Variants in UNC5D observed in about 807,000 individuals in gnomAD.
The protein encoded by UNC5D is unc-5 netrin receptor D.
In UNC5D, 39 loss-of-function variants were observed where a neutral mutation model predicts 105.4. The ratio of observed to expected loss-of-function variants is 0.37; its 90% confidence interval spans 0.29 to 0.48. The LOEUF (loss-of-function observed/expected upper bound fraction) is 0.48, where lower values mean the gene tolerates loss of function less well. UNC5D is among the 20% of genes least tolerant of loss of function. The pLI, the probability that UNC5D is intolerant of heterozygous loss-of-function variation, is 0.98. For synonymous variants in UNC5D, 452 were observed against 450.4 expected, an observed-to-expected ratio of 1.00 and a Z score of -0.04; for missense variants, 991 against 1,202.4, an observed-to-expected ratio of 0.82 and a Z score of 2.60.
At chr8:35,665,486 T>G (rs540228371) in intron 4 of UNC5D, among the ~76,000 whole-genome samples, 87 of 152,228 alleles carry the variant, frequency 5.7e-4, no homozygotes, top group African/African-American at 2.0e-3. Context: ...AGACCATGGG[T>G]TTTGGAAATC....
At chr8:35,586,198 C>T (rs576202414) in intron 3 of UNC5D, among the ~76,000 whole-genome samples, 9 of 152,208 alleles carry the variant, frequency 5.9e-5, no homozygotes, top group East Asian at 5.8e-4. Context: ...CACTTGAACC[C>T]GGGAAACAGC....
At chr8:35,658,182 G>A (rs543936686) in intron 4 of UNC5D, among the ~76,000 whole-genome samples, 3 of 152,100 alleles carry the variant, frequency 2.0e-5, no homozygotes, top group Non-Finnish European at 4.4e-5. Flanking sequence ...AGGTAAAAAT[G>A]TTACAAAATA....
intron 1 of UNC5D, among the ~76,000 whole-genome samples, chr8:35,518,280 T>G (rs1813237992): frequency 6.6e-6 from 1 of 152,158 alleles, no homozygotes; most frequent in Non-Finnish European, 1.5e-5. Flanking sequence ...TTCTTTTCCT[T>G]CCCCATTTTC....
chr8:35,292,694 C>CT (rs1807160667), intron 1 of UNC5D, among the ~76,000 whole-genome samples: 1 of 148,792 alleles, frequency 6.7e-6, no homozygotes, highest in African/African-American at 2.5e-5. Context: ...TTGCTATATG[C>CT]TGTAGTCCCT....
At chr8:35,645,282 A>C (rs1822979817) in intron 4 of UNC5D, among the ~76,000 whole-genome samples, 1 of 152,148 alleles carries the variant, frequency 6.6e-6, no homozygotes, top group Non-Finnish European at 1.5e-5. Flanking sequence ...TAATTTGGGC[A>C]TTATTTACTG....
At position 35,683,546 on chromosome 8, in the gene UNC5D, G is replaced by A; in HGVS notation, c.571-1G>A. The A allele has an allele frequency of 6.4e-7, 1 of 1,556,310 alleles. No individual in the cohort carries two copies. ...TTGTAAACATTCCTTTCTTCCTGTA[G>A]GTGGAATGGCTGAAAAATGAAGAGC... On this transcript the variant is annotated splice_acceptor_variant, in intron 4 of 16. Transcript: ENST00000404895. LOFTEE classifies it high-confidence loss of function.
intron 15 of UNC5D, among the ~76,000 whole-genome samples, chr8:35,768,199 T>A (rs2131716863): frequency 6.6e-6 from 1 of 152,260 alleles, no homozygotes; most frequent in East Asian, 1.9e-4. Flanking sequence ...GCATTGCTAA[T>A]TCCCCAAATA....
chr8:35,737,274 G>A (rs1225245922), intron 11 of UNC5D, among the ~76,000 whole-genome samples: 4 of 148,510 alleles, frequency 2.7e-5, no homozygotes, highest in Admixed American at 2.0e-4. Context: ...GTGTGTGTGT[G>A]TGTGTGTGTG....
intron 1 of UNC5D, among the ~76,000 whole-genome samples, chr8:35,442,558 C>T (rs1297661022): frequency 6.6e-6 from 1 of 151,864 alleles, no homozygotes; most frequent in Non-Finnish European, 1.5e-5. Context: ...AAACAAAGCT[C>T]AAGTCCCACC....
Position 35,324,107 on chromosome 8 carries a change from A to G in UNC5D, c.103+88220A>G, listed in dbSNP as rs147622422. ...TAGCCAGGCGTGGTGGCATCCACCT[A>G]TAAGTCCCAGTACGTACTATAGAGG... On this transcript the variant is annotated intron_variant, in intron 1 of 16. Transcript: ENST00000404895. 1.3e-4 allele frequency among the ~76,000 whole-genome samples: 19 copies of G among 151,964 alleles called. No homozygotes were observed. In the East Asian group the frequency reaches 3.1e-3, roughly 25 times the overall value.
intron 1 of UNC5D, among the ~76,000 whole-genome samples, chr8:35,354,755 G>A (rs538595570): frequency 6.6e-6 from 1 of 152,230 alleles, no homozygotes; most frequent in Admixed American, 6.5e-5. Flanking sequence ...ATGTAGGTCA[G>A]GATTTTCTGC....
chr8:35,664,985 C>T (rs1177422333), intron 4 of UNC5D, among the ~76,000 whole-genome samples: 1 of 152,056 alleles, frequency 6.6e-6, no homozygotes, highest in African/African-American at 2.4e-5. Context: ...AGATGTGCAC[C>T]ACCATGCCCA....
chr8:35,515,394 C>T (rs1275374490), intron 1 of UNC5D, among the ~76,000 whole-genome samples: 3 of 152,054 alleles, frequency 2.0e-5, no homozygotes, highest in Non-Finnish European at 4.4e-5. Flanking sequence ...CAACAAAATA[C>T]AGATTTAGGG....
intron 4 of UNC5D, among the ~76,000 whole-genome samples, chr8:35,634,954 C>T (rs13248828): frequency 0.17 from 26,192 of 151,780 alleles, 2,392 homozygotes; most frequent in East Asian, 0.26. Context: ...TTAGCAGAGA[C>T]GGGATTTCTC....
intron 2 of UNC5D, among the ~76,000 whole-genome samples, chr8:35,556,248 C>CA (rs2130727635): frequency 6.6e-6 from 1 of 152,182 alleles, no homozygotes; most frequent in East Asian, 1.9e-4. Context: ...GAATATGATT[C>CA]AAAAAACAAA....
At chr8:35,629,186 T>C (rs1821878432) in intron 4 of UNC5D, among the ~76,000 whole-genome samples, 1 of 152,242 alleles carries the variant, frequency 6.6e-6, no homozygotes, top group African/African-American at 2.4e-5. Flanking sequence ...AGTAGAAAGC[T>C]ACTTAAACAC....
intron 1 of UNC5D, among the ~76,000 whole-genome samples, chr8:35,327,921 A>C (rs566577460): frequency 6.6e-6 from 1 of 152,360 alleles, no homozygotes; most frequent in South Asian, 2.1e-4. Flanking sequence ...AGATTCGGAT[A>C]AGAGCATCTT....
intron 16 of UNC5D, 152 bp downstream of exon 16, chr8:35,774,629 A>C: frequency 2.7e-6 from 3 of 1,091,628 alleles, no homozygotes; most frequent in Admixed American, 2.7e-5. Flanking sequence ...TAAGTGGGGA[A>C]AGAGCAAGAA....
intron 1 of UNC5D, among the ~76,000 whole-genome samples, chr8:35,259,607 T>A (rs1804307172): frequency 6.6e-6 from 1 of 152,150 alleles, no homozygotes; most frequent in African/African-American, 2.4e-5. Context: ...CTGATTTACG[T>A]TTTTTCCTCC....
Sources: allele counts gnomAD v4.1 joint callset (sites outside exome capture counted in the v4.1 genomes callset), GRCh38; gene constraint gnomAD v4.1.1; transcripts MANE v1.5; gene names NCBI Gene and HGNC (gene_info 2026-07-23, HGNC 2026-07-21).